TENM3: variants seen among roughly 807,000 people sequenced by gnomAD.
The protein encoded by TENM3 is teneurin transmembrane protein 3, also known as teneurin-3.
TENM3 carries 63 observed loss-of-function variants against 255.1 expected under a neutral mutation model. The ratio of observed to expected loss-of-function variants is 0.25; its 90% CI spans 0.20 to 0.30. The LOEUF is 0.30. Ranked by LOEUF, TENM3 falls within the 10% of genes least tolerant of loss-of-function variation. TENM3 has a pLI of 1.00. For synonymous variants in TENM3, 1,306 were observed against 1,322.3 expected (o/e 0.99, Z 0.27); for missense variants, 2,929 against 3,461.1 (o/e 0.85, Z 3.86).
intron 2 of TENM3, among the ~76,000 whole-genome samples, chr4:182,338,818 T>C (rs1764299619): frequency 6.6e-6 from 1 of 152,204 alleles, no homozygotes; most frequent in Non-Finnish European, 1.5e-5. Flanking sequence ...TATTAACCAT[T>C]CAGACATGTT....
rs1466268825 is a variant in TENM3 at position 182,789,176 on chromosome 4, A to G, written c.5388A>G (p.Leu1796=). The G allele has an allele frequency of 6.2e-7, 1 of 1,613,066 alleles. No individual in the cohort carries two copies. Among genetic ancestry groups the G allele is most frequent in the Non-Finnish European group, 8.5e-7 (1 of 1,179,510 alleles). ...TCTATGACGACCACCGTAAATTTCT[A>G]CTGAGGATCGCCTACGACACGTCTG... ...EKIYDDHRKF[L]LRIAYDTSGH... The change falls in exon 25 of 28, where the codon CTA becomes CTG. Residue 1796 remains leucine, a synonymous_variant. Transcript: ENST00000511685. The surrounding 1 kb of genome is among the most constrained non-coding windows in gnomAD (Gnocchi z 4.4).
At chr4:181,535,865 C>G in the TENM3 span, among the ~76,000 whole-genome samples, 1 of 152,112 alleles carries the variant, frequency 6.6e-6, no homozygotes, top group Non-Finnish European at 1.5e-5. Context: ...TCATTAAGCC[C>G]CTGGGGAGGG....
the TENM3 span, among the ~76,000 whole-genome samples, chr4:181,512,518 C>T: frequency 3.3e-5 from 5 of 152,150 alleles, no homozygotes; most frequent in Non-Finnish European, 7.3e-5. Context: ...TCTGGTAGCT[C>T]AGCTCCAGTT....
intron 3 of TENM3, among the ~76,000 whole-genome samples, chr4:182,549,098 A>G (rs1446703196): frequency 1.3e-5 from 2 of 152,334 alleles, no homozygotes; most frequent in East Asian, 3.9e-4. Flanking sequence ...GGCTCCAGAT[A>G]TAATTCTAAT....
chr4:182,203,237 A>C lies in TENM3; in HGVS notation c.-76+58483A>C, dbSNP rs114209625. ...CATCTCAAAAAAAAAAAAGAAAAAG[A>C]AAAGAAAATGGGCTCAAATAGAATC... On this transcript the variant is annotated intron_variant, in intron 1 of 2. Coordinates refer to the TENM3 transcript ENST00000512480. Among the ~76,000 whole-genome samples, 444 of 151,912 alleles carry C rather than the reference A, an allele frequency of 2.9e-3. 2 individuals are homozygous for C. Among genetic ancestry groups the C allele is most frequent in the African/African-American group, 9.2e-3 (383 of 41,468 alleles).
At chr4:182,160,990 T>C (rs554807570) in intron 1 of TENM3, among the ~76,000 whole-genome samples, 3 of 152,190 alleles carry the variant, frequency 2.0e-5, no homozygotes, top group African/African-American at 7.2e-5. Context: ...ATTAAAAATA[T>C]ATGATGCAGG....
the TENM3 span, among the ~76,000 whole-genome samples, chr4:181,766,804 A>T: frequency 3.3e-5 from 5 of 152,100 alleles, no homozygotes; most frequent in African/African-American, 1.2e-4. Flanking sequence ...AGGAGAAAAC[A>T]GTTCCTGTAA....
intron 1 of TENM3, among the ~76,000 whole-genome samples, chr4:182,189,677 G>T (rs918713771): frequency 1.3e-5 from 2 of 152,140 alleles, no homozygotes; most frequent in African/African-American, 4.8e-5. Context: ...CCAAAAGGGT[G>T]TGGACTGCAG....
intron 3 of TENM3, among the ~76,000 whole-genome samples, chr4:182,364,253 A>G (rs1026305384): frequency 2.2e-4 from 34 of 152,086 alleles, no homozygotes; most frequent in African/African-American, 7.7e-4. Flanking sequence ...TAAGTTATCT[A>G]TGATGTGATT....
the TENM3 span, among the ~76,000 whole-genome samples, chr4:181,629,873 C>A: frequency 1.0e-3 from 152 of 152,212 alleles, 1 homozygote; most frequent in African/African-American, 3.5e-3. Context: ...GGGAGCATTC[C>A]CTCTTTTTCT....
chr4:182,266,085 G>A (rs908952955), intron 1 of TENM3, among the ~76,000 whole-genome samples: 2 of 152,212 alleles, frequency 1.3e-5, no homozygotes, highest in African/African-American at 4.8e-5. Flanking sequence ...TAGCTGTGCT[G>A]GAGAGTCAGC....
At chr4:182,178,154 C>T (rs1390921037) in intron 1 of TENM3, among the ~76,000 whole-genome samples, 1 of 152,044 alleles carries the variant, frequency 6.6e-6, no homozygotes, top group South Asian at 2.1e-4. Context: ...CTATTAAATA[C>T]GTGATCGAAT....
At chr4:182,496,412 A>G (rs1214779172) in intron 3 of TENM3, among the ~76,000 whole-genome samples, 1 of 152,178 alleles carries the variant, frequency 6.6e-6, no homozygotes, top group African/African-American at 2.4e-5. Context: ...GCCTTTAGAC[A>G]TCAATAAACT....
the TENM3 span, among the ~76,000 whole-genome samples, chr4:181,571,435 C>T: frequency 6.6e-6 from 1 of 152,276 alleles, no homozygotes; most frequent in South Asian, 2.1e-4. Flanking sequence ...CTCCTGTGCT[C>T]AAATGATTCT....
chr4:181,638,734 A>T, the TENM3 span, among the ~76,000 whole-genome samples: 2 of 152,328 alleles, frequency 1.3e-5, no homozygotes, highest in South Asian at 4.1e-4. Context: ...GGGTTTTTTT[A>T]AAATGTTACT....
At chr4:182,593,379 C>A (rs1391688160) in intron 3 of TENM3, among the ~76,000 whole-genome samples, 1 of 152,176 alleles carries the variant, frequency 6.6e-6, no homozygotes, top group African/African-American at 2.4e-5. Context: ...CCACCTCCAC[C>A]CAGTTTCTGC....
chr4:182,012,785 G>A, the TENM3 span: 1 of 152,166 alleles, frequency 6.6e-6, no homozygotes, highest in African/African-American at 2.4e-5. Flanking sequence ...GAAATTTGGA[G>A]GAACTTCATT....
At chr4:181,584,306 G>A in the TENM3 span, among the ~76,000 whole-genome samples, 7 of 152,046 alleles carry the variant, frequency 4.6e-5, no homozygotes, top group East Asian at 3.9e-4. Flanking sequence ...TTTCGGAAAC[G>A]GGTATAAACT....
At chr4:181,950,414 A>G in the TENM3 span, among the ~76,000 whole-genome samples, 2 of 152,194 alleles carry the variant, frequency 1.3e-5, no homozygotes, top group South Asian at 4.1e-4. Flanking sequence ...AGGGACGCGC[A>G]TGAAACTTTT....
Sources: allele counts gnomAD v4.1 joint callset (sites outside exome capture counted in the v4.1 genomes callset), GRCh38; gene constraint gnomAD v4.1.1; non-coding constraint Gnocchi (gnomAD v3.1); transcripts MANE v1.5; gene names NCBI Gene and HGNC (gene_info 2026-07-23, HGNC 2026-07-21).